THBS3: variants seen among roughly 807,000 people sequenced by gnomAD.
THBS3 encodes thrombospondin 3.
THBS3 carries 78 observed loss-of-function variants against 118.3 expected under a neutral mutation model. The observed-to-expected ratio is 0.66, with a 90% CI of 0.55 to 0.80. The LOEUF is 0.80. THBS3 is among the 30% of genes least tolerant of loss of function. The pLI is 0.00. For missense variants in THBS3, 1,057 were observed against 1,247.4 expected, an observed-to-expected ratio of 0.85 and a Z score of 2.30; for synonymous variants, 427 against 475.3, an observed-to-expected ratio of 0.90 and a Z score of 1.32.
chr1:155,203,564 C>CA, intron 4 of THBS3, 25 bp from the exon 5 acceptor site: 1 of 1,613,128 alleles, frequency 6.2e-7, no homozygotes, highest in South Asian at 1.1e-5. Flanking sequence ...AAAACATAGT[C>CA]AGAGGGGTGA....
rs781259726 is a variant in THBS3 at position 155,205,168 on chromosome 1, G to A, written c.435C>T (p.Cys145=). ...PSPALHLYVD[C]KLGDQHAGLP... is the part of the protein sequence containing the mutation. The stretch of plus-strand genomic sequence containing the variant: ...GGCCTGCATGTTGGTCACCCAGTTT[G>A]CAGTCCACGTAGAGATGTAGGGCAG... Residue 145 remains cysteine (C), a synonymous_variant, in exon 3 of 23, where the codon TGC becomes TGT. Transcript: ENST00000368378. The A allele has an allele frequency of 6.2e-7, 1 of 1,614,216 alleles. No homozygotes were observed.
chr1:155,208,422 T>G (rs1670855128), upstream of THBS3, among the ~76,000 whole-genome samples: 1 of 152,202 alleles, frequency 6.6e-6, no homozygotes, highest in African/African-American at 2.4e-5. Flanking sequence ...TTTTCCCTCA[T>G]TCGTAGGAAA....
At chr1:155,196,972 G>T in intron 21 of THBS3, 69 bp downstream of exon 21, 1 of 1,513,626 alleles carries the variant, frequency 6.6e-7, no homozygotes, top group Non-Finnish European at 9.1e-7. Flanking sequence ...GGTCACTGGT[G>T]AATCCCAGCT....
Position 155,206,482 on chromosome 1 carries a change from C to T in THBS3, c.80-76G>A, listed in dbSNP as rs1670557630. On this transcript the variant is annotated intron_variant, in intron 1 of 22. Coordinates refer to ENST00000368378, the MANE Select transcript of THBS3 (RefSeq NM_007112.5). This position sits in a 1 kb window ranked among gnomAD's most constrained non-coding sequence, Gnocchi z 4.2. ...TATGCCCTCCCCCGAGCCCACATCACCCCCTACCCCCACCACCAGGCAGCG... is the reference window on the plus strand; with the variant it reads ...TATGCCCTCCCCCGAGCCCACATCATCCCCTACCCCCACCACCAGGCAGCG... The T allele has an allele frequency of 7.8e-7, 1 of 1,282,986 alleles. No homozygotes were observed. Among genetic ancestry groups the T allele is most frequent in the Non-Finnish European group, 1.1e-6 (1 of 915,394 alleles). The allele number at this position is 1,282,986 out of a possible 1,614,324, so 79.5% of individuals were successfully genotyped here. A position where few individuals can be genotyped will look rare whatever the true frequency, so the allele number is the denominator to read the frequency against.
chr1:155,202,535 T>C lies in THBS3; in HGVS notation c.958-134A>G, dbSNP rs1315736052. The C allele has an allele frequency of 1.6e-5, 21 of 1,316,048 alleles. No individual in the cohort carries two copies. The highest frequency in any genetic ancestry group is 1.8e-5 in the Non-Finnish European group (18 of 977,654). The allele number at this position is 1,316,048 out of a possible 1,614,324, so 81.5% of individuals were successfully genotyped here. On this transcript the variant is annotated intron_variant, in intron 8 of 22. Transcript: ENST00000368378. The surrounding 1 kb of genome is among the most constrained non-coding windows in gnomAD (Gnocchi z 5.5). ...CCACACAACTGCCTTGTGCTCCTGG[T>C]CCCCACCCCACTTCCCTCGGGGTTC... is the stretch of plus-strand genomic sequence containing the variant.
chr1:155,207,237 G>A lies in THBS3; in HGVS notation c.79+561C>T, dbSNP rs539260377. On this transcript the variant is annotated intron_variant, in intron 1 of 22. Transcript: ENST00000368378. ...TCCCACCATCTGGGCTATCTCCCAC[G>A]GGAATGTAGGACCCAGCTCCTCTGC... Among the ~76,000 whole-genome samples the A allele has an allele frequency of 6.0e-4, 92 of 152,252 alleles. 2 individuals are homozygous for A. In the South Asian group the frequency reaches 0.018, roughly 30 times the overall value.
At chr1:155,205,343 G>A (rs921172960) in intron 2 of THBS3, 27 bp from the exon 3 acceptor site, 1 of 1,601,890 alleles carries the variant, frequency 6.2e-7, no homozygotes, top group Non-Finnish European at 8.5e-7. Flanking sequence ...ATCAGTATGG[G>A]CGCTATCCCC....
chr1:155,197,579 G>C lies in THBS3; in HGVS notation c.2383C>G (p.Leu795Val). 1.9e-6 allele frequency: 3 copies of C among 1,607,702 alleles called. No individual in the cohort carries two copies. The South Asian group carries it at 3.3e-5, about 18-fold the overall frequency. ...CGGCCACTGTCTTGATAACTGAAGA[G>C]AAAGCCTGCGTAGTCATCATCAGTC... The part of the protein sequence containing the change: ...TVTDDDYAGF[L>V]FSYQDSGRFY... The change falls in exon 20 of 23, where the codon CTC becomes GTC. Residue 795 changes from leucine (L) to valine (V), a missense_variant. Leu to Val is a conservative substitution (Grantham distance 32, BLOSUM62 1). Around this residue, in one of 3 missense-constraint regions of THBS3, gnomAD observed 307 missense variants for 326.1 expected, o/e 0.94. Transcript: ENST00000368378. This position sits in a 1 kb window ranked among gnomAD's most constrained non-coding sequence, Gnocchi z 5.0.
At chr1:155,207,959 C>A, upstream of THBS3, 4 of 1,272,056 alleles carry the variant, frequency 3.1e-6, no homozygotes, top group East Asian at 2.6e-5. Context: ...AGCCGGGGGG[C>A]GGAGGGACAG....
At position 155,206,340 on chromosome 1, in the gene THBS3, G is replaced by A; in HGVS notation, c.146C>T (p.Ala49Val). Residue 49 changes from alanine to valine, a missense_variant, in exon 2 of 23, where the codon GCC becomes GTC. By Grantham distance (64) the Ala-to-Val change is moderately conservative (BLOSUM62 0). Coordinates refer to ENST00000368378, the MANE Select transcript of THBS3 (RefSeq NM_007112.5). The surrounding 1 kb of genome is among the most constrained non-coding windows in gnomAD (Gnocchi z 4.2). Reference protein sequence around the residue: ...MVAVAEKIRTALLTAGDIYLL... With the variant: ...MVAVAEKIRTVLLTAGDIYLL... ...GTAGATGTCCCCAGCAGTGAGCAAG[G>A]CTGTCCGGATCTTCTCTGCCACAGC... is the stretch of plus-strand genomic sequence containing the variant. 6.2e-7 allele frequency: 1 copy of A among 1,614,112 alleles called. No homozygotes were observed. The highest frequency in any genetic ancestry group is 8.5e-7 in the Non-Finnish European group (1 of 1,179,980).
chr1:155,201,448 A>G lies in THBS3; in HGVS notation c.1298T>C (p.Leu433Pro). ...HSPCHIHAHC[L>P]FERNGAVSCQ... ...GGACACTGCACCATTGCGTTCAAAG[A>G]GACAGTGAGCATGGATGTGGCAGGG... Residue 433 changes from leucine to proline, a missense_variant, in exon 11 of 23, where the codon CTC becomes CCC. Transcript: ENST00000368378. 3.1e-6 allele frequency: 5 copies of G among 1,612,264 alleles called. No individual in the cohort carries two copies. Among genetic ancestry groups the G allele is most frequent in the Non-Finnish European group, 4.2e-6 (5 of 1,178,984 alleles).
In THBS3 at chr1:155,195,947, A is replaced by G. The variant is rs1193054162; in HGVS notation, c.2812+40T>C. The G allele has an allele frequency of 8.1e-6, 13 of 1,614,112 alleles. No homozygotes were observed. The Admixed American group carries it at 2.0e-4, about 25-fold the overall frequency. On this transcript the variant is annotated intron_variant, in intron 22 of 22. Transcript: ENST00000368378. ...GGTCAGAGGATGTGGCTCTCCCACA[A>G]GGCATGAAGGATTAGGTTGATCTCA... is the stretch of plus-strand genomic sequence containing the variant.
chr1:155,198,836 T>C (rs990556461), intron 16 of THBS3: 4 of 507,182 alleles, frequency 7.9e-6, no homozygotes, highest in Non-Finnish European at 1.4e-5. Flanking sequence ...GAATATACTA[T>C]GGCCTGGGCA....
rs1360896261 is a variant in THBS3 at position 155,197,032 on chromosome 1, T to C, written c.2672+9A>G. 6.2e-7 allele frequency: 1 copy of C among 1,612,118 alleles called. No individual in the cohort carries two copies. The highest frequency in any genetic ancestry group is 8.5e-7 in the Non-Finnish European group (1 of 1,178,732). On this transcript the variant is annotated intron_variant, in intron 21 of 22. Transcript: ENST00000368378. The surrounding 1 kb of genome is among the most constrained non-coding windows in gnomAD (Gnocchi z 5.0). Reference sequence around the variant, plus strand: ...GAGTCCCACAGGTGGGCTCAGCCCCTCTCCTTACCGAATGTAGCCAACTTG... The same window carrying C: ...GAGTCCCACAGGTGGGCTCAGCCCCCCTCCTTACCGAATGTAGCCAACTTG...
At position 155,206,254 on chromosome 1, in the gene THBS3, G is replaced by A. The variant is rs369537081; in HGVS notation, c.232C>T (p.Arg78Cys). 5.3e-5 allele frequency: 86 copies of A among 1,614,016 alleles called. No homozygotes were observed. The highest frequency in any genetic ancestry group is 1.6e-4 in the Middle Eastern group (1 of 6,082). The part of the protein sequence containing the change: ...QGGVLFGLYS[R>C]QDNTRWLEAS... ...TCCAGCCATCGAGTGTTGTCTTGGC[G>A]AGAATAGAGGCCAAAGAGGACACCA... The change falls in exon 2 of 23, where the codon CGC becomes TGC. Residue 78 changes from arginine (R) to cysteine (C), a missense_variant. Arg to Cys is a radical substitution (Grantham distance 180). Transcript: ENST00000368378. The surrounding 1 kb of genome is among the most constrained non-coding windows in gnomAD (Gnocchi z 4.2).
intron 13 of THBS3, 140 bp downstream of exon 13, chr1:155,200,757 G>A: frequency 6.4e-7 from 1 of 1,569,100 alleles, no homozygotes; most frequent in South Asian, 1.2e-5. Flanking sequence ...CAGCCTCCTT[G>A]TCCTGGGCAC....
intron 13 of THBS3, 101 bp from the exon 14 acceptor site, chr1:155,200,711 G>C (rs1669568648): frequency 6.4e-6 from 10 of 1,563,778 alleles, no homozygotes; most frequent in Non-Finnish European, 8.7e-6. Context: ...TCACACCCTT[G>C]TGATGGACAA....
chr1:155,196,455 C>T, intron 21 of THBS3: 1 of 352,394 alleles, frequency 2.8e-6, no homozygotes, highest in Non-Finnish European at 5.2e-6. Context: ...CCTTTTATCC[C>T]CTGTCCTGGC....
Position 155,200,515 on chromosome 1 carries a change from A to G in THBS3, c.1644T>C (p.Asn548=). Residue 548 remains asparagine (N), a synonymous_variant, in exon 14 of 23, where the codon AAT becomes AAC. Coordinates refer to ENST00000368378, the MANE Select transcript of THBS3 (RefSeq NM_007112.5). The part of the protein sequence containing the change: ...ACDNCPNVPN[N]DQKDTDGNGE... ...CATTGCCATCTGTGTCCTTCTGGTCATTGTTGGGAACGTTGGGGCAATTGT... is the reference window on the plus strand; with the variant it reads ...CATTGCCATCTGTGTCCTTCTGGTCGTTGTTGGGAACGTTGGGGCAATTGT... The G allele has an allele frequency of 6.2e-7, 1 of 1,613,890 alleles. No homozygotes were observed.
Sources: allele counts gnomAD v4.1 joint callset (sites outside exome capture counted in the v4.1 genomes callset), GRCh38; gene constraint gnomAD v4.1.1; regional missense constraint gnomAD v4.1.1; non-coding constraint Gnocchi (gnomAD v3.1); transcripts MANE v1.5; gene names NCBI Gene and HGNC (gene_info 2026-07-23, HGNC 2026-07-21).